The following AGPAT3 variants were observed in gnomAD, a reference collection of about 807,000 sequenced individuals.
AGPAT3 encodes the protein 1-acyl-sn-glycerol-3-phosphate acyltransferase gamma.
Under a neutral mutation model 47.3 loss-of-function variants are expected in AGPAT3, and 5 were observed. The observed-to-expected ratio is 0.11, with a 90% CI of 0.06 to 0.22. The LOEUF (loss-of-function observed/expected upper bound fraction) is 0.22. Among genes scored for constraint, AGPAT3 ranks in the 10% least tolerant of loss-of-function variants. The probability of loss-of-function intolerance (pLI) is 1.00; values close to 1 mark genes in which losing one functional copy is unlikely to be tolerated. For synonymous variants in AGPAT3, 212 were observed against 208.3 expected (o/e 1.02, Z -0.15); for missense variants, 315 against 493.0 (o/e 0.64, Z 3.42).
chr21:43,884,799 G>A (rs187378826), intron 1 of AGPAT3, among the ~76,000 whole-genome samples: 3 of 152,302 alleles, frequency 2.0e-5, no homozygotes, highest in African/African-American at 4.8e-5. Context: ...TCTGGTGGTG[G>A]ATGCAGAGGC....
In AGPAT3 at chr21:43,874,224, C is replaced by T. The variant is rs371504240; in HGVS notation, c.-112+8879C>T. 9.2e-5 allele frequency among the ~76,000 whole-genome samples: 14 copies of T among 152,226 alleles called. No homozygotes were observed. In the East Asian group the frequency reaches 2.5e-3, roughly 27 times the overall value. On this transcript the variant is annotated intron_variant, in intron 1 of 9. Transcript: ENST00000291572. ...TATTTTTAGTAGAGACAGGGTTTCACCATGTTGGCCAGGCTGGTCTTGAAC... is the reference window on the plus strand; with the variant it reads ...TATTTTTAGTAGAGACAGGGTTTCATCATGTTGGCCAGGCTGGTCTTGAAC...
At chr21:43,940,792 T>C (rs2087628004) in intron 2 of AGPAT3, among the ~76,000 whole-genome samples, 1 of 152,222 alleles carries the variant, frequency 6.6e-6, no homozygotes. Flanking sequence ...ATGGGCTGGT[T>C]TATGGTGATC....
At chr21:43,874,217 G>C (rs2085685722) in intron 1 of AGPAT3, among the ~76,000 whole-genome samples, 1 of 152,074 alleles carries the variant, frequency 6.6e-6, no homozygotes, top group Admixed American at 6.6e-5. Context: ...GTAGAGACAG[G>C]GTTTCACCAT....
rs2088414223 is a variant in AGPAT3, at chr21:43,955,653, C to T, written c.-48-3981C>T. On this transcript the variant is annotated intron_variant, in intron 2 of 9. Transcript: ENST00000291572. The surrounding 1 kb of genome is among the most constrained non-coding windows in gnomAD (Gnocchi z 4.1). ...GGGTGCGGTGGCTCACACCTGTAAT[C>T]CCAGCGCTTTGGGAGGTCGAGTTGG... Among the ~76,000 whole-genome samples the T allele has an allele frequency of 6.6e-6, 1 of 151,936 alleles. No individual in the cohort carries two copies. The highest frequency in any genetic ancestry group is 6.5e-5 in the Admixed American group (1 of 15,278).
chr21:43,965,330 C>T (rs886794051), intron 3 of AGPAT3: 1 of 152,300 alleles, frequency 6.6e-6, no homozygotes, highest in Non-Finnish European at 1.5e-5. Flanking sequence ...ATTTTGAACT[C>T]ACTGCCAGTG....
intron 2 of AGPAT3, among the ~76,000 whole-genome samples, chr21:43,921,588 T>C (rs1471537379): frequency 6.6e-6 from 1 of 152,150 alleles, no homozygotes; most frequent in Non-Finnish European, 1.5e-5. Context: ...GTGTTGAGTG[T>C]TGAATGTGGG....
chr21:43,971,326 C>A, intron 6 of AGPAT3, 62 bp from the exon 7 acceptor site: 1 of 1,487,602 alleles, frequency 6.7e-7, no homozygotes, highest in Non-Finnish European at 9.4e-7. Flanking sequence ...TTGCTTTTCC[C>A]TCTGGCAGTG....
At chr21:43,942,966 T>A (rs2087715906) in intron 2 of AGPAT3, among the ~76,000 whole-genome samples, 1 of 152,218 alleles carries the variant, frequency 6.6e-6, no homozygotes, top group Non-Finnish European at 1.5e-5. Flanking sequence ...AAGACAGGCC[T>A]CGGAGCCTTG....
intron 2 of AGPAT3, among the ~76,000 whole-genome samples, chr21:43,909,866 G>A (rs2086591926): frequency 6.6e-6 from 1 of 152,202 alleles, no homozygotes; most frequent in South Asian, 2.1e-4. Context: ...GTCCTGCAGG[G>A]TCTATCTGAA....
chr21:43,880,052 C>T lies in AGPAT3; in HGVS notation c.-112+14707C>T, dbSNP rs755260998. Among the ~76,000 whole-genome samples, 1 of 152,222 alleles carries T rather than the reference C, an allele frequency of 6.6e-6. No individual in the cohort carries two copies. Among genetic ancestry groups the T allele is most frequent in the African/African-American group, 2.4e-5 (1 of 41,466 alleles). ...GGCAGCATGACTCCGGGGCGGAGGA[C>T]GCAGCCCTGCATCCCTTGCGTCCCC... is the stretch of plus-strand genomic sequence containing the variant. On this transcript the variant is annotated intron_variant, in intron 1 of 9. Coordinates refer to ENST00000291572, the MANE Select transcript of AGPAT3 (RefSeq NM_020132.5). This position sits in a 1 kb window ranked among gnomAD's most constrained non-coding sequence, Gnocchi z 4.5.
At chr21:43,889,602 A>G (rs2086057702) in intron 1 of AGPAT3, among the ~76,000 whole-genome samples, 1 of 152,234 alleles carries the variant, frequency 6.6e-6, no homozygotes, top group Admixed American at 6.5e-5. Context: ...AAAGTGAGGC[A>G]CACACATTTT....
chr21:43,903,543 T>G (rs988704434), intron 1 of AGPAT3, among the ~76,000 whole-genome samples: 2 of 152,184 alleles, frequency 1.3e-5, no homozygotes, highest in African/African-American at 4.8e-5. Context: ...TGGCAGGGCT[T>G]TGGGAAGCAG....
intron 2 of AGPAT3, among the ~76,000 whole-genome samples, chr21:43,944,981 G>T (rs761056534): frequency 1.3e-5 from 2 of 152,222 alleles, no homozygotes; most frequent in African/African-American, 2.4e-5. Context: ...GTCCCTCGGG[G>T]TCTACCACTG....
chr21:43,942,557 G>T (rs79746389), intron 2 of AGPAT3, among the ~76,000 whole-genome samples: 5 of 152,224 alleles, frequency 3.3e-5, no homozygotes, highest in African/African-American at 4.8e-5. Flanking sequence ...CTCTCTGAGC[G>T]TGGGGTTCTA....
Position 43,918,807 on chromosome 21 carries a change from C to T in AGPAT3, c.-49+14788C>T, listed in dbSNP as rs114176439. ...AGCCAGGCTGGTCTTGAACTCCTGGCCTCAAGCCATCTGCATGGCTCAGCC... is the reference window on the plus strand; with the variant it reads ...AGCCAGGCTGGTCTTGAACTCCTGGTCTCAAGCCATCTGCATGGCTCAGCC... On this transcript the variant is annotated intron_variant, in intron 2 of 9. Transcript: ENST00000291572. Among the ~76,000 whole-genome samples the T allele has an allele frequency of 7.5e-3, 1,138 of 152,282 alleles. 9 individuals carry two copies. The highest frequency in any genetic ancestry group is 0.026 in the African/African-American group (1,072 of 41,534).
chr21:43,926,401 A>T (rs1308144868), intron 2 of AGPAT3, among the ~76,000 whole-genome samples: 2 of 152,098 alleles, frequency 1.3e-5, no homozygotes, highest in East Asian at 3.9e-4. Context: ...TCCAGCAGGG[A>T]GGGCATGCGC....
intron 1 of AGPAT3, among the ~76,000 whole-genome samples, chr21:43,870,562 A>AG (rs2085603381): frequency 6.6e-6 from 1 of 151,330 alleles, no homozygotes; most frequent in Non-Finnish European, 1.5e-5. Context: ...AAAAAAAAAA[A>AG]AAACCCAAAA....
Position 43,908,164 on chromosome 21 carries a change from G to A in AGPAT3, c.-49+4145G>A, listed in dbSNP as rs2086548607. Among the ~76,000 whole-genome samples the A allele has an allele frequency of 6.6e-6, 1 of 152,166 alleles. No homozygotes were observed. On this transcript the variant is annotated intron_variant, in intron 2 of 9. Transcript: ENST00000291572. This position sits in a 1 kb window ranked among gnomAD's most constrained non-coding sequence, Gnocchi z 4.9. ...CCAAAGCTGGAGTGAGATTTCCAAG[G>A]CTTGTATGAGGCACTTGGCAAGCTT...
At position 43,922,650 on chromosome 21, in the gene AGPAT3, T is replaced by C. The variant is rs150360406; in HGVS notation, c.-49+18631T>C. Among the ~76,000 whole-genome samples, 534 of 152,274 alleles carry C rather than the reference T, an allele frequency of 3.5e-3. 4 individuals carry two copies. The highest frequency in any genetic ancestry group is 0.012 in the African/African-American group (512 of 41,550). On this transcript the variant is annotated intron_variant, in intron 2 of 9. Coordinates refer to ENST00000291572, the MANE Select transcript of AGPAT3 (RefSeq NM_020132.5). The surrounding 1 kb of genome is among the most constrained non-coding windows in gnomAD (Gnocchi z 4.9). Reference sequence around the variant, plus strand: ...TGAAGTCTGGGCTGGAGCTACCTGCTCTGTGGGAAACAACAGTGTGCTCTG... The same window carrying C: ...TGAAGTCTGGGCTGGAGCTACCTGCCCTGTGGGAAACAACAGTGTGCTCTG...
Sources: allele counts gnomAD v4.1 joint callset (sites outside exome capture counted in the v4.1 genomes callset), GRCh38; gene constraint gnomAD v4.1.1; non-coding constraint Gnocchi (gnomAD v3.1); transcripts MANE v1.5; gene names NCBI Gene and HGNC (gene_info 2026-07-23, HGNC 2026-07-21).